Variants in DPP6 observed in about 807,000 individuals in gnomAD.
DPP6 encodes A-type potassium channel modulatory protein DPP6.
Under a neutral mutation model 122.6 loss-of-function variants are expected in DPP6, and 69 were observed. The ratio of observed to expected loss-of-function variants is 0.56; its 90% CI spans 0.46 to 0.69. The LOEUF (loss-of-function observed/expected upper bound fraction) is 0.69. DPP6 is among the 30% of genes least tolerant of loss of function. DPP6 has a pLI of 0.00. For synonymous variants in DPP6, 418 were observed against 433.1 expected (o/e 0.97, Z 0.43); for missense variants, 928 against 1,116.9 (o/e 0.83, Z 2.41).
At chr7:154,722,075 G>A (rs1198577441) in intron 7 of DPP6, among the ~76,000 whole-genome samples, 4 of 152,044 alleles carry the variant, frequency 2.6e-5, no homozygotes, top group Non-Finnish European at 5.9e-5. Context: ...TGTGCCTGTG[G>A]TCCCAGCTAC....
intron 1 of DPP6, among the ~76,000 whole-genome samples, chr7:154,303,035 G>C (rs139671229): frequency 1.3e-5 from 2 of 152,194 alleles, no homozygotes; most frequent in Non-Finnish European, 2.9e-5. Context: ...AGGCTGGAGT[G>C]CAATGGCACC....
the DPP6 span, among the ~76,000 whole-genome samples, chr7:153,857,979 T>A: frequency 6.6e-6 from 1 of 152,174 alleles, no homozygotes; most frequent in South Asian, 2.1e-4. Context: ...AGCTCTAAAT[T>A]TGTGATGATG....
intron 1 of DPP6, among the ~76,000 whole-genome samples, chr7:153,981,071 C>T (rs1400482194): frequency 6.6e-6 from 1 of 152,052 alleles, no homozygotes; most frequent in Non-Finnish European, 1.5e-5. Context: ...TCCACTTGGT[C>T]CAGAGCTGAG....
chr7:154,272,118 T>C (rs1485582326), intron 1 of DPP6, among the ~76,000 whole-genome samples: 1 of 152,224 alleles, frequency 6.6e-6, no homozygotes, highest in East Asian at 1.9e-4. Flanking sequence ...CCCTGAATTG[T>C]TCACTTTCAA....
intron 1 of DPP6, among the ~76,000 whole-genome samples, chr7:154,380,078 G>A (rs1813460408): frequency 1.3e-5 from 2 of 152,088 alleles, no homozygotes; most frequent in Non-Finnish European, 1.5e-5. Flanking sequence ...AGGTTGAGGG[G>A]AGAATATACT....
intron 7 of DPP6, among the ~76,000 whole-genome samples, chr7:154,719,164 A>G (rs1411268261): frequency 2.0e-5 from 3 of 152,134 alleles, no homozygotes; most frequent in Non-Finnish European, 2.9e-5. Context: ...ACTCGAGTAC[A>G]GAGGCTACTG....
intron 3 of DPP6, among the ~76,000 whole-genome samples, chr7:154,513,205 T>C (rs1826219585): frequency 6.6e-6 from 1 of 152,198 alleles, no homozygotes; most frequent in South Asian, 2.1e-4. Flanking sequence ...ATTTTCCATA[T>C]CTTCTATTCC....
chr7:154,666,200 T>TATATAC (rs1302353081), intron 6 of DPP6, among the ~76,000 whole-genome samples: 4 of 102,552 alleles, frequency 3.9e-5, no homozygotes, highest in Admixed American at 2.4e-4. Context: ...TATATATATA[T>TATATAC]ACACATATAC....
intron 1 of DPP6, among the ~76,000 whole-genome samples, chr7:154,044,367 T>A (rs1171583695): frequency 6.6e-6 from 1 of 152,156 alleles, no homozygotes; most frequent in African/African-American, 2.4e-5. Context: ...ATGGTTTCAT[T>A]TCAGTTTTAT....
intron 17 of DPP6, among the ~76,000 whole-genome samples, chr7:154,866,676 T>C (rs1311879427): frequency 2.0e-5 from 3 of 152,242 alleles, no homozygotes; most frequent in African/African-American, 7.2e-5. Context: ...TAACGTCAGA[T>C]TTGTTAAAAC....
At position 154,344,613 on chromosome 7, in the gene DPP6, G is replaced by A. The variant is rs549048519; in HGVS notation, c.244-101601G>A. Among the ~76,000 whole-genome samples the A allele has an allele frequency of 3.3e-5, 5 of 152,302 alleles. No homozygotes were observed. The South Asian group carries it at 6.2e-4, about 19-fold the overall frequency. ...TACATGCTAAGGACTCAGGTGCTAC[G>A]TGAGAGAGATCCAGTTAAAACCCCA... On this transcript the variant is annotated intron_variant, in intron 1 of 25. Coordinates refer to ENST00000377770, the MANE Select transcript of DPP6 (RefSeq NM_130797.4).
In DPP6 at chr7:154,561,310, G is replaced by A. The variant is rs190829605; in HGVS notation, c.553-5532G>A. Among the ~76,000 whole-genome samples the A allele has an allele frequency of 2.5e-3, 381 of 152,284 alleles. 1 individual carries two copies. Among genetic ancestry groups the A allele is most frequent in the Non-Finnish European group, 3.9e-3 (266 of 68,028 alleles). On this transcript the variant is annotated intron_variant, in intron 4 of 25. Coordinates refer to ENST00000377770, the MANE Select transcript of DPP6 (RefSeq NM_130797.4). ...AATAGAAAAATGCACATTCCTCTGA[G>A]TGCACGTGAAACATTCACCAGAGTA...
rs767346747 is a variant in DPP6 at position 154,618,446 on chromosome 7, C to T, written c.628-19375C>T. Among the ~76,000 whole-genome samples the T allele has an allele frequency of 6.6e-6, 1 of 152,188 alleles. No homozygotes were observed. The highest frequency in any genetic ancestry group is 1.5e-5 in the Non-Finnish European group (1 of 68,026). The stretch of plus-strand genomic sequence containing the variant: ...TGTTGCTTGCCCAGACATGCTTCCC[C>T]TTTGTCTTGTTAGACCATTGATTTC... On this transcript the variant is annotated intron_variant, in intron 5 of 25. Transcript: ENST00000377770. The surrounding 1 kb of genome is among the most constrained non-coding windows in gnomAD (Gnocchi z 4.1).
At chr7:154,598,220 G>A (rs139495474) in intron 5 of DPP6, among the ~76,000 whole-genome samples, 102 of 152,266 alleles carry the variant, frequency 6.7e-4, no homozygotes, top group African/African-American at 7.0e-4. Flanking sequence ...AACTGCTTGC[G>A]TTTCACATGT....
chr7:154,707,176 G>T (rs1053755008), intron 7 of DPP6, among the ~76,000 whole-genome samples: 1 of 152,210 alleles, frequency 6.6e-6, no homozygotes, highest in Non-Finnish European at 1.5e-5. Context: ...GCGGTCCTCT[G>T]TGGTAAGGAT....
chr7:153,832,264 C>T, the DPP6 span, among the ~76,000 whole-genome samples: 3 of 152,138 alleles, frequency 2.0e-5, no homozygotes, highest in Admixed American at 6.5e-5. Context: ...CTCTTCTTCT[C>T]GATTTAAACG....
intron 1 of DPP6, among the ~76,000 whole-genome samples, chr7:154,400,142 C>G (rs948792419): frequency 1.3e-5 from 2 of 152,256 alleles, no homozygotes; most frequent in African/African-American, 4.8e-5. Context: ...TTTGTCTGTG[C>G]AGGAAGCAGT....
At chr7:154,077,543 CA>C (rs899453052) in intron 1 of DPP6, among the ~76,000 whole-genome samples, 3 of 152,174 alleles carry the variant, frequency 2.0e-5, no homozygotes, top group African/African-American at 7.2e-5. Flanking sequence ...GCCTCTACCC[CA>C]AATGCCAGTG....
chr7:154,449,649 C>T (rs1050587247), intron 2 of DPP6, among the ~76,000 whole-genome samples: 10 of 152,212 alleles, frequency 6.6e-5, no homozygotes, highest in Middle Eastern at 3.4e-3. Flanking sequence ...TTCATAACAG[C>T]ATTAATGATA....
Sources: gnomAD v4.1 joint callset for allele counts (sites outside exome capture counted in the v4.1 genomes callset) on GRCh38, gnomAD v4.1.1 for gene constraint, Gnocchi (gnomAD v3.1) non-coding constraint, MANE v1.5 for transcripts, NCBI Gene and HGNC (gene_info 2026-07-23, HGNC 2026-07-21) for gene names.